The following RAI1 variants were observed in gnomAD, a reference collection of about 807,000 sequenced individuals.
RAI1 encodes retinoic acid induced 1, also known as retinoic acid-induced protein 1.
A neutral mutation model predicts 123.8 loss-of-function variants in RAI1; 9 were observed. The ratio of observed to expected loss-of-function variants is 0.07; its 90% confidence interval spans 0.04 to 0.13. The LOEUF (loss-of-function observed/expected upper bound fraction) is 0.13. Ranked by LOEUF, RAI1 falls within the 10% of genes least tolerant of loss-of-function variation. RAI1 has a pLI of 1.00. For synonymous variants in RAI1, 1,231 were observed against 1,127.3 expected, an observed-to-expected ratio of 1.09 and a Z score of -1.84; for missense variants, 2,256 against 2,545.8, an observed-to-expected ratio of 0.89 and a Z score of 2.45.
chr17:17,783,688 C>A (rs1433597752), intron 2 of RAI1, among the ~76,000 whole-genome samples: 1 of 152,006 alleles, frequency 6.6e-6, no homozygotes, highest in Non-Finnish European at 1.5e-5. Flanking sequence ...CAGCGCCTCG[C>A]GTGGGGCTCC....
intron 4 of RAI1, among the ~76,000 whole-genome samples, chr17:17,806,257 T>C (rs1283431379): frequency 6.6e-6 from 1 of 152,230 alleles, no homozygotes; most frequent in Non-Finnish European, 1.5e-5. Flanking sequence ...AGCAACTGTT[T>C]AGTGGTGGGA....
chr17:17,730,141 G>T (rs1916220372), intron 2 of RAI1, among the ~76,000 whole-genome samples: 1 of 152,182 alleles, frequency 6.6e-6, no homozygotes, highest in African/African-American at 2.4e-5. Flanking sequence ...CCTGCGCTGG[G>T]TCATCCCTGC....
At position 17,794,883 on chromosome 17, in the gene RAI1, C is replaced by T. The variant is rs2032171028; in HGVS notation, c.1935C>T (p.Asn645=). Residue 645 remains asparagine (N), a synonymous_variant, in exon 3 of 6, where the codon AAC becomes AAT. Transcript: ENST00000353383. The part of the protein sequence containing the change: ...DSSKPPFSLE[N]HSACLDSVAK... ...GCAAGCCACCCTTCTCGCTGGAGAA[C>T]CACAGCGCCTGCCTGGACTCTGTGG... 6.2e-7 allele frequency: 1 copy of T among 1,613,428 alleles called. No individual in the cohort carries two copies. Among genetic ancestry groups the T allele is most frequent in the Non-Finnish European group, 8.5e-7 (1 of 1,179,994 alleles).
intron 2 of RAI1, among the ~76,000 whole-genome samples, chr17:17,779,912 A>G (rs1598074932): frequency 6.8e-6 from 1 of 147,908 alleles, no homozygotes; most frequent in East Asian, 2.0e-4. Flanking sequence ...CATAGCTGGG[A>G]CTGCAGGCAC....
chr17:17,743,124 G>A (rs925839572), intron 2 of RAI1, among the ~76,000 whole-genome samples: 10 of 152,224 alleles, frequency 6.6e-5, no homozygotes, highest in Admixed American at 2.0e-4. Context: ...GAGTAGTTGG[G>A]ACTTACAGTC....
intron 2 of RAI1, among the ~76,000 whole-genome samples, chr17:17,771,420 G>A (rs985644846): frequency 3.9e-5 from 6 of 152,334 alleles, no homozygotes; most frequent in Middle Eastern, 3.4e-3. Context: ...AATGCAGTTC[G>A]TTTGGGAGAC....
chr17:17,791,119 C>T (rs1356184023), intron 2 of RAI1, among the ~76,000 whole-genome samples: 2 of 152,174 alleles, frequency 1.3e-5, no homozygotes, highest in Admixed American at 1.3e-4. Flanking sequence ...GGCAGGGGCT[C>T]GCCTCGTGGG....
At chr17:17,702,577 T>G (rs1434192220) in intron 1 of RAI1, among the ~76,000 whole-genome samples, 1 of 152,176 alleles carries the variant, frequency 6.6e-6, no homozygotes, top group Non-Finnish European at 1.5e-5. Flanking sequence ...GAGCGTCAGG[T>G]GGCATCACAG....
chr17:17,701,580 C>T (rs563873709), intron 1 of RAI1, among the ~76,000 whole-genome samples: 92 of 152,278 alleles, frequency 6.0e-4, no homozygotes, highest in African/African-American at 2.2e-3. Flanking sequence ...TTCCATGTCC[C>T]CTTGTACCCA....
intron 1 of RAI1, among the ~76,000 whole-genome samples, chr17:17,694,407 A>G (rs1309852596): frequency 6.6e-6 from 1 of 152,016 alleles, no homozygotes; most frequent in African/African-American, 2.4e-5. Context: ...TGTGAGTCAC[A>G]TTCTGGATCC....
chr17:17,735,612 C>G (rs1156318425), intron 2 of RAI1, among the ~76,000 whole-genome samples: 2 of 152,206 alleles, frequency 1.3e-5, no homozygotes, highest in Non-Finnish European at 2.9e-5. Context: ...CTGCCTCAGC[C>G]TCCCAAAGTG....
Position 17,727,134 on chromosome 17 carries a change from G to A in RAI1, c.-17+2975G>A, listed in dbSNP as rs147021113. On this transcript the variant is annotated intron_variant, in intron 2 of 5. Transcript: ENST00000353383. ...ATGCCGAAGGCTCCGACTGCCTGCA[G>A]TGGGAGAAACGGCTTCTCTAGTTTT... is the stretch of plus-strand genomic sequence containing the variant. 3.1e-4 allele frequency among the ~76,000 whole-genome samples: 48 copies of A among 152,388 alleles called. No homozygotes were observed. In the East Asian group the frequency reaches 4.0e-3, roughly 13 times the overall value.
chr17:17,690,190 G>C (rs535120039), intron 1 of RAI1, among the ~76,000 whole-genome samples: 3 of 152,194 alleles, frequency 2.0e-5, no homozygotes, highest in African/African-American at 7.2e-5. Flanking sequence ...TTCGAGACCA[G>C]CCTGGCCAAA....
At position 17,797,697 on chromosome 17, in the gene RAI1, C is replaced by T. The variant is rs765584734; in HGVS notation, c.4749C>T (p.Cys1583=). 1 of 1,613,526 alleles carries T rather than the reference C, an allele frequency of 6.2e-7. No homozygotes were observed. Among genetic ancestry groups the T allele is most frequent in the Non-Finnish European group, 8.5e-7 (1 of 1,179,674 alleles). The change falls in exon 3 of 6, where the codon TGC becomes TGT. Residue 1583 remains cysteine (C), a synonymous_variant. Transcript: ENST00000353383. ...PEIRLKYISS[C]KRLRSDSRTP... Reference sequence around the variant, plus strand: ...TCCGCCTCAAGTACATTTCCTCTTGCAAGCGGCTGAGGTCAGACAGCCGGA... The same window carrying T: ...TCCGCCTCAAGTACATTTCCTCTTGTAAGCGGCTGAGGTCAGACAGCCGGA...
intron 1 of RAI1, among the ~76,000 whole-genome samples, chr17:17,697,801 G>A (rs535461487): frequency 3.0e-4 from 45 of 152,172 alleles, no homozygotes; most frequent in Non-Finnish European, 5.1e-4. Context: ...TGAGCTGAGG[G>A]TATGGGTGCT....
At chr17:17,784,003 C>G (rs1045806918) in intron 2 of RAI1, among the ~76,000 whole-genome samples, 1 of 152,180 alleles carries the variant, frequency 6.6e-6, no homozygotes, top group Non-Finnish European at 1.5e-5. Flanking sequence ...CTCTCCTTCT[C>G]TCTTCCAATC....
chr17:17,795,966 G>T lies in RAI1; in HGVS notation c.3018G>T (p.Gly1006=). The T allele has an allele frequency of 6.2e-7, 1 of 1,603,314 alleles. No homozygotes were observed. ...TACGGAGCCGTCGGGTGCACCGGGGGCTGCCCGAGGCCGAGGACTCCCCAT... is the reference window on the plus strand; with the variant it reads ...TACGGAGCCGTCGGGTGCACCGGGGTCTGCCCGAGGCCGAGGACTCCCCAT... The part of the protein sequence containing the change: ...KSLRSRRVHR[G]LPEAEDSPCR... Residue 1006 remains glycine (G), a synonymous_variant, in exon 3 of 6, where the codon GGG becomes GGT. Transcript: ENST00000353383. This position sits in a 1 kb window ranked among gnomAD's most constrained non-coding sequence, Gnocchi z 5.9.
chr17:17,759,274 G>A (rs1040740162), intron 2 of RAI1: 3 of 152,248 alleles, frequency 2.0e-5, no homozygotes, highest in Non-Finnish European at 4.4e-5. Context: ...TGCCAGGTCA[G>A]AGTGGCCAAC....
chr17:17,694,075 A>C (rs578229305), intron 1 of RAI1, among the ~76,000 whole-genome samples: 2 of 152,214 alleles, frequency 1.3e-5, no homozygotes, highest in Non-Finnish European at 2.9e-5. Context: ...TTGTCCCGTC[A>C]TTGCTGGCAG....
Sources: allele counts gnomAD v4.1 joint callset (sites outside exome capture counted in the v4.1 genomes callset), GRCh38; gene constraint gnomAD v4.1.1; non-coding constraint Gnocchi (gnomAD v3.1); transcripts MANE v1.5; gene names NCBI Gene and HGNC (gene_info 2026-07-23, HGNC 2026-07-21).